FBXL5: variants seen among roughly 807,000 people sequenced by gnomAD.
FBXL5 encodes the protein F-box and leucine rich repeat protein 5.
Under a neutral mutation model 78.3 loss-of-function variants are expected in FBXL5, and 26 were observed. The ratio of observed to expected loss-of-function variants is 0.33; its 90% confidence interval spans 0.24 to 0.46. FBXL5 has a LOEUF of 0.46. FBXL5 is among the 20% of genes least tolerant of loss of function. The pLI is 1.00. For missense variants in FBXL5, 710 were observed against 829.2 expected (o/e 0.86, Z 1.77); for synonymous variants, 295 against 282.5 (o/e 1.04, Z -0.45).
At chr4:15,620,375 A>G (rs1712359773) in intron 9 of FBXL5, among the ~76,000 whole-genome samples, 1 of 152,190 alleles carries the variant, frequency 6.6e-6, no homozygotes, top group Admixed American at 6.5e-5. Context: ...TACACATTTA[A>G]TGCAATCCCT....
chr4:15,678,362 C>T (rs1037505138), intron 1 of FBXL5, among the ~76,000 whole-genome samples: 1 of 152,182 alleles, frequency 6.6e-6, no homozygotes, highest in African/African-American at 2.4e-5. Context: ...ACATCAAAAA[C>T]TTCATTGCTG....
At chr4:15,671,686 C>T (rs1166000052) in intron 1 of FBXL5, among the ~76,000 whole-genome samples, 3 of 152,164 alleles carry the variant, frequency 2.0e-5, no homozygotes, top group African/African-American at 4.8e-5. Context: ...TTTGTATGCT[C>T]CCTTCCCCTA....
At chr4:15,640,364 C>T (rs1381801360) in intron 3 of FBXL5, among the ~76,000 whole-genome samples, 2 of 133,470 alleles carry the variant, frequency 1.5e-5, no homozygotes, top group Non-Finnish European at 3.1e-5. Context: ...ACATTTAAAG[C>T]CACCATTTAA....
chr4:15,658,804 A>G (rs1054425072), upstream of FBXL5, among the ~76,000 whole-genome samples: 3 of 152,248 alleles, frequency 2.0e-5, no homozygotes, highest in African/African-American at 4.8e-5. Context: ...CGATAGCCAC[A>G]GAGGGCTTTC....
intron 2 of FBXL5, among the ~76,000 whole-genome samples, chr4:15,643,350 G>T (rs1715080456): frequency 1.3e-5 from 2 of 152,330 alleles, no homozygotes; most frequent in East Asian, 3.9e-4. Flanking sequence ...TAACAGAGTT[G>T]TAACTTAAGC....
intron 1 of FBXL5, among the ~76,000 whole-genome samples, chr4:15,649,840 G>C (rs1715762965): frequency 6.6e-6 from 1 of 152,012 alleles, no homozygotes; most frequent in African/African-American, 2.4e-5. Flanking sequence ...TCATTTTACA[G>C]ACTAACAAAC....
intron 10 of FBXL5, among the ~76,000 whole-genome samples, chr4:15,607,645 C>T (rs1325361721): frequency 6.6e-6 from 1 of 152,062 alleles, no homozygotes; most frequent in Non-Finnish European, 1.5e-5. Context: ...CCCCATTATT[C>T]CCCTTCTTAG....
intron 1 of FBXL5, among the ~76,000 whole-genome samples, chr4:15,673,980 T>G (rs1717865667): frequency 6.6e-6 from 1 of 152,240 alleles, no homozygotes; most frequent in African/African-American, 2.4e-5. Flanking sequence ...AAACATTGTT[T>G]TATATATTTT....
At chr4:15,680,346 A>G (rs1329221383) in intron 1 of FBXL5, among the ~76,000 whole-genome samples, 1 of 152,200 alleles carries the variant, frequency 6.6e-6, no homozygotes. Flanking sequence ...TGTAAAAGAA[A>G]TATTTGCTAA....
At chr4:15,626,631 C>T (rs898371346) in intron 8 of FBXL5, among the ~76,000 whole-genome samples, 8 of 152,156 alleles carry the variant, frequency 5.3e-5, no homozygotes, top group Admixed American at 4.6e-4. Flanking sequence ...GGTTGCACAG[C>T]AGGGCTCAAG....
rs757548528 is a variant in FBXL5, at chr4:15,627,874, T to G, written c.1041+11A>C. 1.9e-6 allele frequency: 3 copies of G among 1,594,308 alleles called. No homozygotes were observed. In the African/African-American group the frequency reaches 4.6e-5, roughly 24 times the overall value. On this transcript the variant is annotated intron_variant, in intron 7 of 10. Transcript: ENST00000341285. The stretch of plus-strand genomic sequence containing the variant: ...TTCTTAATACCCAAACTAGTGTTAA[T>G]TTAAACATACCATTTTGCTGGAAAC...
intron 6 of FBXL5, 95 bp from the exon 7 acceptor site, chr4:15,628,128 T>A: frequency 8.2e-7 from 1 of 1,222,064 alleles, no homozygotes; most frequent in Admixed American, 2.4e-5. Context: ...ACATACTTTG[T>A]GCTATCCTTA....
chr4:15,656,005 A>G (rs1169229700), upstream of FBXL5, among the ~76,000 whole-genome samples: 1 of 152,190 alleles, frequency 6.6e-6, no homozygotes, highest in Non-Finnish European at 1.5e-5. Context: ...ACCGCGAGAG[A>G]GAGTTCTCGT....
At chr4:15,673,064 C>T (rs1717831382) in intron 1 of FBXL5, among the ~76,000 whole-genome samples, 1 of 152,114 alleles carries the variant, frequency 6.6e-6, no homozygotes, top group Non-Finnish European at 1.5e-5. Flanking sequence ...ACAATGCCTT[C>T]GTCTGTAATA....
At chr4:15,623,488 A>G (rs752818901) in intron 9 of FBXL5, among the ~76,000 whole-genome samples, 1 of 149,704 alleles carries the variant, frequency 6.7e-6, no homozygotes, top group African/African-American at 2.5e-5. Context: ...ATAAATTTCA[A>G]TAAGGTATGA....
chr4:15,654,259 G>A (rs1053231149), intron 1 of FBXL5, among the ~76,000 whole-genome samples: 3 of 152,144 alleles, frequency 2.0e-5, no homozygotes, highest in African/African-American at 7.2e-5. Flanking sequence ...TATTTAGTTG[G>A]ATCATTTCCA....
intron 9 of FBXL5, among the ~76,000 whole-genome samples, chr4:15,612,762 T>C (rs1244283052): frequency 6.6e-6 from 1 of 152,080 alleles, no homozygotes; most frequent in Non-Finnish European, 1.5e-5. Flanking sequence ...AGAAAATTAC[T>C]GAAGCTTAAA....
Position 15,605,718 on chromosome 4 carries a change from A to G in FBXL5, c.*5T>C, listed in dbSNP as rs1288212270. 6.2e-7 allele frequency: 1 copy of G among 1,612,972 alleles called. No individual in the cohort carries two copies. The highest frequency in any genetic ancestry group is 2.2e-5 in the East Asian group (1 of 44,880). ...ATGAAGTAGACAAAGATCAGAAGTC[A>G]AGGGTCATTCGCCAGAGCGGCAGCA... On this transcript the variant is annotated 3_prime_UTR_variant, in exon 11 of 11. Transcript: ENST00000341285.
chr4:15,638,341 T>C (rs62290593), intron 4 of FBXL5, among the ~76,000 whole-genome samples, 167 bp downstream of exon 4: 10,587 of 152,244 alleles, frequency 0.07, 475 homozygotes, highest in Middle Eastern at 0.099. Context: ...AATTCTAAAA[T>C]GAGAACCATC....
Sources: allele counts gnomAD v4.1 joint callset (sites outside exome capture counted in the v4.1 genomes callset), GRCh38; gene constraint gnomAD v4.1.1; transcripts MANE v1.5; gene names NCBI Gene and HGNC (gene_info 2026-07-23, HGNC 2026-07-21).